The following OR8B2 variants were observed in gnomAD, a reference collection of about 807,000 sequenced individuals.
OR8B2 encodes olfactory receptor 8B2.
For synonymous variants in OR8B2, 98 were observed against 138.2 expected (o/e 0.71, Z 2.04); for missense variants, 304 against 379.6 (o/e 0.80, Z 1.65).
the OR8B2 span, chr11:124,397,292 A>T: frequency 7.7e-7 from 1 of 1,297,568 alleles, no homozygotes. Flanking sequence ...GGAACTCTGG[A>T]TGATCTGTTA....
At chr11:124,397,194 G>C in the OR8B2 span, 1 of 1,611,534 alleles carries the variant, frequency 6.2e-7, no homozygotes, top group African/African-American at 1.4e-5. Context: ...GTGGAGGTGA[G>C]AATTTAGACC....
chr11:124,393,365 T>A, the OR8B2 span, among the ~76,000 whole-genome samples: 1 of 149,324 alleles, frequency 6.7e-6, no homozygotes, highest in Non-Finnish European at 1.5e-5. Flanking sequence ...AACCCTCATG[T>A]GACAAAGGGC....
the OR8B2 span, chr11:124,397,097 A>G: frequency 5.0e-6 from 8 of 1,613,706 alleles, no homozygotes; most frequent in African/African-American, 1.3e-5. Flanking sequence ...TTTTTGATAC[A>G]AAGTTCATTA....
upstream of OR8B2, among the ~76,000 whole-genome samples, chr11:124,387,614 C>G (rs1429033655): frequency 6.7e-6 from 1 of 149,170 alleles, no homozygotes; most frequent in Non-Finnish European, 1.5e-5. Flanking sequence ...TTCCATTGAT[C>G]TATATCTCTG....
In OR8B2 at chr11:124,382,409, AT is replaced by A. The variant is rs1294393503; in HGVS notation, c.934del (p.Ile312TyrfsTer4). On this transcript the variant is annotated frameshift_variant, in exon 2 of 2. Coordinates refer to ENST00000641451, the MANE Select transcript of OR8B2 (RefSeq NM_001005468.2). LOFTEE classifies it high-confidence loss of function. ...KALIKIQRRN[I>X]F ...CATCATTACTGCTTCTAATTAGAAT[AT>A]ATTTCTCCTCTGAATTTTAATCAGA... is the stretch of plus-strand genomic sequence containing the variant. 6.2e-7 allele frequency: 1 copy of A among 1,601,060 alleles called. No individual in the cohort carries two copies. The highest frequency in any genetic ancestry group is 1.4e-5 in the African/African-American group (1 of 74,060).
upstream of OR8B2, among the ~76,000 whole-genome samples, chr11:124,385,153 C>T (rs1216768980): frequency 1.3e-5 from 2 of 152,088 alleles, no homozygotes; most frequent in Non-Finnish European, 2.9e-5. Flanking sequence ...TTGGGTTGCT[C>T]TAACTCAACA....
chr11:124,387,002 T>C (rs1464312959), upstream of OR8B2, among the ~76,000 whole-genome samples: 2 of 152,274 alleles, frequency 1.3e-5, no homozygotes, highest in African/African-American at 4.8e-5. Context: ...ATTTCTCTGA[T>C]GGCCAGTGAT....
chr11:124,390,007 A>G, the OR8B2 span, among the ~76,000 whole-genome samples: 2 of 152,336 alleles, frequency 1.3e-5, no homozygotes, highest in African/African-American at 4.8e-5. Context: ...AAGGGGATGC[A>G]TAACCAGATT....
upstream of OR8B2, among the ~76,000 whole-genome samples, chr11:124,386,130 T>C (rs187788627): frequency 4.6e-5 from 7 of 152,152 alleles, no homozygotes; most frequent in Non-Finnish European, 1.0e-4. Flanking sequence ...CTTGTTTATC[T>C]ACTGTCTAAT....
At chr11:124,387,760 G>A (rs1011092649), upstream of OR8B2, among the ~76,000 whole-genome samples, 25 of 147,236 alleles carry the variant, frequency 1.7e-4, no homozygotes, top group East Asian at 3.1e-3. Flanking sequence ...TTGGTTCCAT[G>A]TGAACTTTAA....
chr11:124,387,714 T>C (rs9787787), upstream of OR8B2, among the ~76,000 whole-genome samples: 5,348 of 123,446 alleles, frequency 0.043, 258 homozygotes, highest in African/African-American at 0.11. Flanking sequence ...CTTTGTTCTT[T>C]TGGCTTAGGG....
chr11:124,392,863 A>G, the OR8B2 span, among the ~76,000 whole-genome samples: 50,623 of 143,092 alleles, frequency 0.35, 8,035 homozygotes, highest in African/African-American at 0.51. Flanking sequence ...ACTTCAAACT[A>G]TACTACAAGG....
At chr11:124,387,012 T>C (rs548275877), upstream of OR8B2, among the ~76,000 whole-genome samples, 3 of 152,384 alleles carry the variant, frequency 2.0e-5, no homozygotes, top group African/African-American at 7.2e-5. Flanking sequence ...TGGCCAGTGA[T>C]GGTGAGTATT....
the OR8B2 span, among the ~76,000 whole-genome samples, chr11:124,395,079 G>T: frequency 6.6e-6 from 1 of 151,272 alleles, no homozygotes; most frequent in Non-Finnish European, 1.5e-5. Context: ...GGATGCTGAA[G>T]AAGTCCTCTA....
At chr11:124,388,916 C>G (rs1860741629), upstream of OR8B2, among the ~76,000 whole-genome samples, 1 of 151,000 alleles carries the variant, frequency 6.6e-6, no homozygotes, top group Non-Finnish European at 1.5e-5. Flanking sequence ...AACTCCACCT[C>G]CTGGGTTCAA....
chr11:124,394,668 T>G, the OR8B2 span, among the ~76,000 whole-genome samples: 2 of 152,284 alleles, frequency 1.3e-5, no homozygotes, highest in African/African-American at 2.4e-5. Flanking sequence ...AGTAAGAATG[T>G]ACTCTGCCTA....
At chr11:124,389,901 G>T in the OR8B2 span, among the ~76,000 whole-genome samples, 1 of 152,158 alleles carries the variant, frequency 6.6e-6, no homozygotes, top group African/African-American at 2.4e-5. Context: ...ACAGATATTG[G>T]AAGGGGGAAA....
intron 1 of OR8B2, among the ~76,000 whole-genome samples, chr11:124,383,728 T>G (rs1157515399): frequency 1.8e-4 from 27 of 152,150 alleles, no homozygotes; most frequent in Non-Finnish European, 3.4e-4. Context: ...ACACTTCAAT[T>G]TCCCTGTGAT....
chr11:124,396,420 T>C, the OR8B2 span: 12 of 1,599,870 alleles, frequency 7.5e-6, no homozygotes, highest in African/African-American at 6.8e-5. Context: ...TTAGAATATA[T>C]TTCTTCTCTG....
Sources: gnomAD v4.1 joint callset for allele counts (sites outside exome capture counted in the v4.1 genomes callset) on GRCh38, gnomAD v4.1.1 for gene constraint, MANE v1.5 for transcripts, NCBI Gene and HGNC (gene_info 2026-07-23, HGNC 2026-07-21) for gene names.